RAB33B: variants seen among roughly 807,000 people sequenced by gnomAD.
RAB33B encodes RAB33B, member RAS oncogene family.
RAB33B carries 6 observed loss-of-function variants against 15.0 expected under a neutral mutation model. That is an observed-to-expected ratio of 0.40 (90% CI 0.22 to 0.79). The LOEUF (loss-of-function observed/expected upper bound fraction) is 0.79, where lower values mean the gene tolerates loss of function less well. Ranked by LOEUF, RAB33B falls within the 30% of genes least tolerant of loss-of-function variation. The pLI, the probability that RAB33B is intolerant of heterozygous loss-of-function variation, is 0.37. For missense variants in RAB33B, 257 were observed against 296.4 expected (o/e 0.87, Z 0.98); for synonymous variants, 117 against 108.3 (o/e 1.08, Z -0.50).
At chr4:139,464,829 A>T (rs180916203) in intron 1 of RAB33B, among the ~76,000 whole-genome samples, 9 of 152,294 alleles carry the variant, frequency 5.9e-5, no homozygotes, top group African/African-American at 2.2e-4. Context: ...TGCTGTTGTG[A>T]ATAGTGCTGT....
upstream of RAB33B, chr4:139,453,766 C>T (rs1266865262): frequency 6.4e-6 from 1 of 155,406 alleles, no homozygotes; most frequent in Non-Finnish European, 1.4e-5. Context: ...CCTCCTTCCT[C>T]TCAGTTGTCT....
upstream of RAB33B, chr4:139,449,247 G>C (rs1749880263): frequency 6.6e-6 from 1 of 152,174 alleles, no homozygotes; most frequent in Non-Finnish European, 1.5e-5. Flanking sequence ...TTGGGGACTG[G>C]TGTGTTTCCA....
the RAB33B span, among the ~76,000 whole-genome samples, chr4:139,440,946 A>G: frequency 2.0e-5 from 3 of 152,002 alleles, no homozygotes; most frequent in Non-Finnish European, 4.4e-5. Flanking sequence ...AACAACATGC[A>G]TTTATTTGGG....
chr4:139,443,872 G>C, the RAB33B span, among the ~76,000 whole-genome samples: 1 of 152,164 alleles, frequency 6.6e-6, no homozygotes, highest in Admixed American at 6.5e-5. Context: ...AGGCAACAGT[G>C]ATGGCCTCCC....
Position 139,454,425 on chromosome 4 carries a change from T to C in RAB33B, c.230T>C (p.Ile77Thr). 6.2e-7 allele frequency: 1 copy of C among 1,610,114 alleles called. No homozygotes were observed. Among genetic ancestry groups the C allele is most frequent in the Non-Finnish European group, 8.5e-7 (1 of 1,179,868 alleles). ...GATTTCCGAGAACGAGCGGTGGAGA[T>C]TGATGGGGAGCGCATCAAGGTGAGC... Reference protein sequence around the residue: ...GVDFRERAVEIDGERIKIQLW... With the variant: ...GVDFRERAVETDGERIKIQLW... The change falls in exon 1 of 2, where the codon ATT (isoleucine) becomes ACT (threonine). Residue 77 changes from isoleucine to threonine, a missense_variant. By Grantham distance (89) the Ile-to-Thr change is moderately conservative. Coordinates refer to ENST00000305626, the MANE Select transcript of RAB33B (RefSeq NM_031296.3).
In RAB33B at chr4:139,469,751, G is replaced by A. The variant is rs116562743; in HGVS notation, c.250-2935G>A. On this transcript the variant is annotated intron_variant, in intron 1 of 1. Transcript: ENST00000305626. The stretch of plus-strand genomic sequence containing the variant: ...ACTGTGGTTCTTGCAGACTCGTAGA[G>A]TTACCACCTTGATGGTTTTAGACAA... Among the ~76,000 whole-genome samples, 864 of 152,306 alleles carry A rather than the reference G, an allele frequency of 5.7e-3. 5 individuals carry two copies. The highest frequency in any genetic ancestry group is 0.02 in the African/African-American group (838 of 41,564).
chr4:139,450,959 T>A (rs1015516749), upstream of RAB33B: 1 of 150,736 alleles, frequency 6.6e-6, no homozygotes, highest in Admixed American at 6.6e-5. Flanking sequence ...TGAAGTGCAA[T>A]GGCATGATCT....
At chr4:139,455,913 A>G (rs1579172996) in intron 1 of RAB33B, among the ~76,000 whole-genome samples, 1 of 152,182 alleles carries the variant, frequency 6.6e-6, no homozygotes, top group African/African-American at 2.4e-5. Flanking sequence ...AGGGTGACCA[A>G]CTTTGCCCAA....
chr4:139,456,197 A>T (rs78842073), intron 1 of RAB33B, among the ~76,000 whole-genome samples: 2 of 152,122 alleles, frequency 1.3e-5, no homozygotes, highest in African/African-American at 4.8e-5. Flanking sequence ...TGCCACCATT[A>T]GTTCTGCAGT....
chr4:139,446,189 C>T, the RAB33B span, among the ~76,000 whole-genome samples: 1 of 152,154 alleles, frequency 6.6e-6, no homozygotes, highest in Non-Finnish European at 1.5e-5. Flanking sequence ...GCCACCCTGA[C>T]TTATCTCCCG....
At chr4:139,459,612 T>C (rs1378667762) in intron 1 of RAB33B, among the ~76,000 whole-genome samples, 1 of 151,318 alleles carries the variant, frequency 6.6e-6, no homozygotes, top group South Asian at 2.1e-4. Context: ...ATAGACTTCT[T>C]TCAGTGTCTA....
At chr4:139,438,867 G>A in the RAB33B span, among the ~76,000 whole-genome samples, 1 of 152,114 alleles carries the variant, frequency 6.6e-6, no homozygotes, top group Non-Finnish European at 1.5e-5. Flanking sequence ...TTCAGTTACT[G>A]TCTAGTGTCC....
At chr4:139,463,591 C>G (rs2097341627) in intron 1 of RAB33B, among the ~76,000 whole-genome samples, 1 of 152,236 alleles carries the variant, frequency 6.6e-6, no homozygotes, top group African/African-American at 2.4e-5. Context: ...GAAAGCGTCT[C>G]ACTTCCTTGG....
chr4:139,441,735 A>G, the RAB33B span, among the ~76,000 whole-genome samples: 7 of 152,200 alleles, frequency 4.6e-5, no homozygotes, highest in African/African-American at 1.7e-4. Context: ...AATCTATAAC[A>G]TTTTTGGACT....
chr4:139,466,226 T>A (rs1750282036), intron 1 of RAB33B, among the ~76,000 whole-genome samples: 1 of 152,208 alleles, frequency 6.6e-6, no homozygotes, highest in East Asian at 1.9e-4. Flanking sequence ...TTCTGCGTAA[T>A]CATCTTTTTT....
In RAB33B at chr4:139,472,773, GT is replaced by G. The variant is rs1750414808; in HGVS notation, c.338del (p.Val113GlyfsTer4). ...YYRNVHAVVF[V>X]YDMTNMASFH... ...CAGAAATGTACATGCTGTTGTCTTC[GT>G]GTATGATATGACCAACATGGCTAGT... On this transcript the variant is annotated frameshift_variant, in exon 2 of 2. Coordinates refer to ENST00000305626, the MANE Select transcript of RAB33B (RefSeq NM_031296.3). LOFTEE classifies it high-confidence loss of function. 1 of 1,613,894 alleles carries G rather than the reference GT, an allele frequency of 6.2e-7. No individual in the cohort carries two copies. The highest frequency in any genetic ancestry group is 8.5e-7 in the Non-Finnish European group (1 of 1,179,912).
chr4:139,441,802 A>T, the RAB33B span, among the ~76,000 whole-genome samples: 1 of 152,240 alleles, frequency 6.6e-6, no homozygotes, highest in East Asian at 1.9e-4. Flanking sequence ...TTGTCTGTAC[A>T]TAAGACAGAC....
At chr4:139,464,410 TTTA>T (rs1195064839) in intron 1 of RAB33B, among the ~76,000 whole-genome samples, 3 of 145,676 alleles carry the variant, frequency 2.1e-5, no homozygotes, top group African/African-American at 7.8e-5. Flanking sequence ...TTTTTTTTTT[TTTA>T]TACTTTAAGT....
intron 1 of RAB33B, among the ~76,000 whole-genome samples, chr4:139,457,917 T>C (rs757854765): frequency 3.3e-5 from 5 of 152,212 alleles, no homozygotes; most frequent in Admixed American, 6.5e-5. Flanking sequence ...CTGCACACTT[T>C]CTATTAACTG....
Sources: allele counts gnomAD v4.1 joint callset (sites outside exome capture counted in the v4.1 genomes callset), GRCh38; gene constraint gnomAD v4.1.1; transcripts MANE v1.5; gene names NCBI Gene and HGNC (gene_info 2026-07-23, HGNC 2026-07-21).